Variants in EP400 observed in about 807,000 individuals in gnomAD.
EP400 encodes the protein E1A-binding protein p400.
Under a neutral mutation model 354.1 loss-of-function variants are expected in EP400, and 105 were observed. The ratio of observed to expected loss-of-function variants is 0.30; its 90% CI spans 0.25 to 0.35. The LOEUF (loss-of-function observed/expected upper bound fraction) is 0.35. Among genes scored for constraint, EP400 ranks in the 10% least tolerant of loss-of-function variants. The probability of loss-of-function intolerance (pLI) is 1.00; values close to 1 mark genes in which losing one functional copy is unlikely to be tolerated. For missense variants in EP400, 3,280 were observed against 4,121.0 expected (o/e 0.80, Z 5.59); for synonymous variants, 1,646 against 1,716.9 (o/e 0.96, Z 1.02).
intron 30 of EP400, among the ~76,000 whole-genome samples, chr12:132,032,628 T>TG (rs1894555813): frequency 6.6e-6 from 1 of 151,976 alleles, no homozygotes; most frequent in African/African-American, 2.4e-5. Context: ...ATTAGTTTTT[T>TG]TTTTTTTTTT....
At chr12:131,987,443 T>A (rs1327189842) in intron 6 of EP400, among the ~76,000 whole-genome samples, 2 of 152,164 alleles carry the variant, frequency 1.3e-5, no homozygotes, top group East Asian at 3.8e-4. Context: ...TTAGTCTGTT[T>A]TATAGAGCTG....
chr12:131,990,813 G>C lies in EP400; in HGVS notation c.2629+99G>C. The C allele has an allele frequency of 1.2e-6, 1 of 824,942 alleles. No individual in the cohort carries two copies. 51.1% of individuals were successfully genotyped at this position (824,942 alleles called of 1,614,324 possible). On this transcript the variant is annotated intron_variant, in intron 9 of 52. Coordinates refer to ENST00000389561, the MANE Select transcript of EP400 (RefSeq NM_015409.5). The surrounding 1 kb of genome is among the most constrained non-coding windows in gnomAD (Gnocchi z 4.2). ...TCCTGGCGCTGTGGCTTCCCACAGAGGACATCTGCTCATCAGCCAGCTGCC... is the reference window on the plus strand; with the variant it reads ...TCCTGGCGCTGTGGCTTCCCACAGACGACATCTGCTCATCAGCCAGCTGCC...
chr12:132,038,190 C>T lies in EP400; in HGVS notation c.6207+94C>T, dbSNP rs2136567980. ...CAGGGTTCTGGGTGCTCAGTCCCCA[C>T]TCTTCCCTGGCCTGAAGCCCTCTTC... On this transcript the variant is annotated intron_variant, in intron 32 of 52. Transcript: ENST00000389561. The surrounding 1 kb of genome is among the most constrained non-coding windows in gnomAD (Gnocchi z 4.2). The T allele has an allele frequency of 6.6e-7, 1 of 1,517,892 alleles. No individual in the cohort carries two copies. Among genetic ancestry groups the T allele is most frequent in the Non-Finnish European group, 9.0e-7 (1 of 1,114,778 alleles). 94.0% of individuals were successfully genotyped at this position (1,517,892 alleles called of 1,614,324 possible).
Position 132,045,446 on chromosome 12 carries a change from G to A in EP400, c.6912G>A (p.Leu2304=), listed in dbSNP as rs1268755984. Reference sequence around the variant, plus strand: ...GCAAGGAGCAGAAGAAGAATATTCTGCTGAAGCAGCAGGTGCCATTCGCCA... The same window carrying A: ...GCAAGGAGCAGAAGAAGAATATTCTACTGAAGCAGCAGGTGCCATTCGCCA... ...REGKEQKKNI[L]LKQQVPFAKP... Residue 2304 remains leucine, a synonymous_variant, in exon 38 of 53, where the codon CTG becomes CTA. Coordinates refer to ENST00000389561, the MANE Select transcript of EP400 (RefSeq NM_015409.5). 1 of 1,614,208 alleles carries A rather than the reference G, an allele frequency of 6.2e-7. No homozygotes were observed. Among genetic ancestry groups the A allele is most frequent in the African/African-American group, 1.3e-5 (1 of 75,070 alleles).
At chr12:131,974,325 G>A (rs896664278) in intron 2 of EP400, among the ~76,000 whole-genome samples, 1 of 151,908 alleles carries the variant, frequency 6.6e-6, no homozygotes, top group Admixed American at 6.6e-5. Context: ...TTTGTTGCCT[G>A]GGCTGGTCTT....
intron 2 of EP400, among the ~76,000 whole-genome samples, chr12:131,974,555 TCTG>T (rs1892402860): frequency 6.6e-6 from 1 of 152,216 alleles, no homozygotes; most frequent in Admixed American, 6.5e-5. Context: ...TGAGCTTTCT[TCTG>T]CTGTGTTTTC....
At chr12:131,993,183 C>T (rs922654064) in intron 11 of EP400, among the ~76,000 whole-genome samples, 3 of 152,120 alleles carry the variant, frequency 2.0e-5, no homozygotes, top group African/African-American at 4.8e-5. Flanking sequence ...CGGACTACTA[C>T]GCAGCTAATT....
intron 12 of EP400, among the ~76,000 whole-genome samples, chr12:132,000,360 A>C (rs1566180605): frequency 1.3e-5 from 2 of 152,056 alleles, no homozygotes; most frequent in East Asian, 3.9e-4. Context: ...ACTGACCTGG[A>C]TTTTGTTGAG....
At position 132,050,852 on chromosome 12, in the gene EP400, C is replaced by T; in HGVS notation, c.7394+197C>T. On this transcript the variant is annotated intron_variant, in intron 41 of 52. Transcript: ENST00000389561. This position sits in a 1 kb window ranked among gnomAD's most constrained non-coding sequence, Gnocchi z 4.8. Reference sequence around the variant, plus strand: ...GGGTATGCATAGGACGGCCCCTGCCCTGTCTCTGTGTTACAGGGATTGTCC... The same window carrying T: ...GGGTATGCATAGGACGGCCCCTGCCTTGTCTCTGTGTTACAGGGATTGTCC... 1 of 633,410 alleles carries T rather than the reference C, an allele frequency of 1.6e-6. No individual in the cohort carries two copies. Among genetic ancestry groups the T allele is most frequent in the Non-Finnish European group, 2.8e-6 (1 of 360,290 alleles). 39.2% of individuals were successfully genotyped at this position (633,410 alleles called of 1,614,324 possible). A position where few individuals can be genotyped will look rare whatever the true frequency, so the allele number is the denominator to read the frequency against.
rs776765987 is a variant in EP400, at chr12:132,025,674, C to T, written c.4884C>T (p.Pro1628=). The change falls in exon 25 of 53, where the codon CCC becomes CCT. Residue 1628 remains proline, a synonymous_variant. Coordinates refer to ENST00000389561, the MANE Select transcript of EP400 (RefSeq NM_015409.5). This position sits in a 1 kb window ranked among gnomAD's most constrained non-coding sequence, Gnocchi z 4.1. The part of the protein sequence containing the change: ...QGSVLQIVSA[P]GQPYLRAPGP... Reference sequence around the variant, plus strand: ...GCGTCCTCCAGATCGTGTCCGCCCCCGGGCAGCCCTACCTTCGAGCCCCTG... The same window carrying T: ...GCGTCCTCCAGATCGTGTCCGCCCCTGGGCAGCCCTACCTTCGAGCCCCTG... 15 of 1,610,608 alleles carry T rather than the reference C, an allele frequency of 9.3e-6. No homozygotes were observed. The highest frequency in any genetic ancestry group is 3.3e-5 in the South Asian group (3 of 90,716).
intron 24 of EP400, among the ~76,000 whole-genome samples, chr12:132,024,399 T>C (rs1390436922): frequency 1.3e-5 from 2 of 152,072 alleles, no homozygotes; most frequent in Non-Finnish European, 2.9e-5. Flanking sequence ...AACAGAAATA[T>C]TTGCTGCTTT....
At chr12:132,076,445 G>C in intron 51 of EP400, 71 bp from the exon 52 acceptor site, 1 of 1,485,738 alleles carries the variant, frequency 6.7e-7, no homozygotes, top group Non-Finnish European at 9.3e-7. Flanking sequence ...AGGACAGAAA[G>C]GGAGGAAAAA....
chr12:131,963,869 C>T (rs1411607927), intron 2 of EP400, among the ~76,000 whole-genome samples: 3 of 152,028 alleles, frequency 2.0e-5, no homozygotes, highest in South Asian at 2.1e-4. Context: ...ACTTGTAATG[C>T]GGTAGTAGCT....
chr12:132,055,463 T>G (rs1375993857), intron 45 of EP400, among the ~76,000 whole-genome samples: 1 of 146,898 alleles, frequency 6.8e-6, no homozygotes, highest in African/African-American at 2.5e-5. Context: ...GGGGTGTGTG[T>G]GTGTGTGTGT....
intron 15 of EP400, among the ~76,000 whole-genome samples, chr12:132,009,107 A>T (rs1321833360): frequency 6.7e-6 from 1 of 148,910 alleles, no homozygotes; most frequent in Admixed American, 6.7e-5. Context: ...TAAGTTTTAT[A>T]TTTTTGGCAG....
intron 41 of EP400, among the ~76,000 whole-genome samples, chr12:132,051,245 A>G (rs940068875): frequency 6.6e-6 from 1 of 152,224 alleles, no homozygotes; most frequent in South Asian, 2.1e-4. Context: ...AATGATGTGC[A>G]TCTGGTTTAG....
chr12:132,062,553 AGCAGCAGCAGCAGCAGCAGCAG>A lies in EP400; in HGVS notation c.8187_8208del (p.Gln2729HisfsTer41), dbSNP rs780034292. 6.4e-7 allele frequency: 1 copy of A among 1,552,362 alleles called. No homozygotes were observed. Among genetic ancestry groups the A allele is most frequent in the African/African-American group, 1.4e-5 (1 of 71,386 alleles). On this transcript the variant is annotated frameshift_variant, in exon 47 of 53. Transcript: ENST00000389561. LOFTEE classifies it high-confidence loss of function. ...CAGCAGCAGCAGCAGCAACAACAGC[AGCAGCAGCAGCAGCAGCAGCAG>A]CAGCAGCAGCAGCAGCAACAGCAGC...
chr12:132,059,318 T>A (rs1322379457), intron 45 of EP400, among the ~76,000 whole-genome samples: 1 of 152,100 alleles, frequency 6.6e-6, no homozygotes, highest in Admixed American at 6.5e-5. Flanking sequence ...CCCTTGGCCT[T>A]CAGGGGTCAA....
chr12:131,987,306 A>T (rs950818395), intron 6 of EP400, among the ~76,000 whole-genome samples: 2 of 152,254 alleles, frequency 1.3e-5, no homozygotes, highest in African/African-American at 4.8e-5. Context: ...ATTTTATCAC[A>T]GTGATCAGTA....
Sources: allele counts gnomAD v4.1 joint callset (sites outside exome capture counted in the v4.1 genomes callset), GRCh38; gene constraint gnomAD v4.1.1; non-coding constraint Gnocchi (gnomAD v3.1); transcripts MANE v1.5; gene names NCBI Gene and HGNC (gene_info 2026-07-23, HGNC 2026-07-21).